The following MYO1A variants were observed in gnomAD, a reference collection of about 807,000 sequenced individuals.
The protein encoded by MYO1A is unconventional myosin-Ia.
MYO1A carries 127 observed loss-of-function variants against 138.5 expected under a neutral mutation model. The ratio of observed to expected loss-of-function variants is 0.92; its 90% CI spans 0.79 to 1.06. The LOEUF (loss-of-function observed/expected upper bound fraction) is 1.06. MYO1A is among the 50% of genes least tolerant of loss of function. The probability of loss-of-function intolerance (pLI) is 0.00; values close to 1 mark genes in which losing one functional copy is unlikely to be tolerated. For synonymous variants in MYO1A, 477 were observed against 497.5 expected, an observed-to-expected ratio of 0.96 and a Z score of 0.55; for missense variants, 1,211 against 1,288.8, an observed-to-expected ratio of 0.94 and a Z score of 0.92.
chr12:57,036,323 A>C lies in MYO1A; in HGVS notation c.2333T>G (p.Phe778Cys), dbSNP rs754563970. Residue 778 changes from phenylalanine to cysteine, a missense_variant, in exon 22 of 28, where the codon TTC becomes TGC. Coordinates refer to ENST00000300119, the MANE Select transcript of MYO1A (RefSeq NM_005379.4). ...ACCACTTACCATGCTCTTGTAGATG[A>C]AATCTGCCAAGGTGAGGGCAGCCTC... ...RSEAALTLAD[F>C]IYKSMVQKFL... The C allele has an allele frequency of 6.2e-7, 1 of 1,613,868 alleles. No homozygotes were observed. Among genetic ancestry groups the C allele is most frequent in the Non-Finnish European group, 8.5e-7 (1 of 1,179,770 alleles).
Position 57,031,112 on chromosome 12 carries a change from T to C in MYO1A, c.2412A>G (p.Thr804=), listed in dbSNP as rs2030260131. 1 of 1,614,096 alleles carries C rather than the reference T, an allele frequency of 6.2e-7. No individual in the cohort carries two copies. The highest frequency in any genetic ancestry group is 8.5e-7 in the Non-Finnish European group (1 of 1,180,038). ...GGCACTTGTAGGGGGCGGCTGGCCA[T>C]GTCTTGTCTAAGACGTTTGTGGATG... ...NLPSTNVLDK[T]WPAAPYKCLS... Residue 804 remains threonine, a synonymous_variant, in exon 23 of 28, where the codon ACA becomes ACG. Coordinates refer to ENST00000300119, the MANE Select transcript of MYO1A (RefSeq NM_005379.4).
Position 57,043,934 on chromosome 12 carries a change from G to T in MYO1A, c.814C>A (p.Leu272Ile), listed in dbSNP as rs780093175. ...GCCACCAACACGTTCCCCAGCTTTA[G>T]CACCATGGATGTCACCTCTAGCACT... ...RQVLEVTSMV[L>I]KLGNVLVADE... The change falls in exon 10 of 28, where the codon CTA (leucine) becomes ATA (isoleucine). Residue 272 changes from leucine (L) to isoleucine (I), a missense_variant. Physicochemically the swap from Leu to Ile is conservative, Grantham distance 5. Transcript: ENST00000300119. 5 of 1,614,132 alleles carry T rather than the reference G, an allele frequency of 3.1e-6. No homozygotes were observed. The highest frequency in any genetic ancestry group is 3.4e-6 in the Non-Finnish European group (4 of 1,180,008).
intron 8 of MYO1A, among the ~76,000 whole-genome samples, chr12:57,044,635 G>A (rs757280531): frequency 1.3e-5 from 2 of 152,076 alleles, no homozygotes; most frequent in Non-Finnish European, 2.9e-5. Context: ...CAATCCACCC[G>A]CCTCGGCCTC....
At chr12:57,031,278 C>G in intron 22 of MYO1A, 104 bp from the exon 23 acceptor site, 1 of 1,400,664 alleles carries the variant, frequency 7.1e-7, no homozygotes, top group Non-Finnish European at 1.0e-6. Context: ...AGTTAACCCA[C>G]AGTGAGAAGC....
At chr12:57,030,690 G>A (rs2136434217) in intron 23 of MYO1A, among the ~76,000 whole-genome samples, 1 of 152,312 alleles carries the variant, frequency 6.6e-6, no homozygotes, top group South Asian at 2.1e-4. Context: ...CTTATATGAG[G>A]CACTTGGAAA....
At position 57,048,018 on chromosome 12, in the gene MYO1A, G is replaced by A. The variant is rs1416971182; in HGVS notation, c.201C>T (p.Asp67=). ...GGGGCTTCAGCTCATAGAAAGTATA[G>A]TCTTGATATTTGGCAATGAACTCTG... ...YGPEFIAKYQ[D]YTFYELKPHI... Residue 67 remains aspartate (D), a synonymous_variant, in exon 3 of 28, where the codon GAC becomes GAT. Transcript: ENST00000300119. The A allele has an allele frequency of 2.3e-5, 37 of 1,614,034 alleles. No homozygotes were observed. Among genetic ancestry groups the A allele is most frequent in the Non-Finnish European group, 3.1e-5 (36 of 1,180,000 alleles).
intron 24 of MYO1A, 55 bp from the exon 25 acceptor site, chr12:57,029,927 C>A: frequency 1.9e-6 from 3 of 1,613,436 alleles, no homozygotes; most frequent in South Asian, 1.1e-5. Context: ...CTCTTCCCCA[C>A]CCCCAGAGTT....
intron 27 of MYO1A, 36 bp downstream of exon 27, chr12:57,029,096 C>T (rs375329193): frequency 1.2e-5 from 19 of 1,613,730 alleles, no homozygotes; most frequent in Middle Eastern, 1.6e-4. Context: ...GGCCATCTAC[C>T]GTAAGCCGCC....
intron 10 of MYO1A, 26 bp from the exon 11 acceptor site, chr12:57,043,384 G>A: frequency 6.2e-7 from 1 of 1,600,786 alleles, no homozygotes; most frequent in Non-Finnish European, 8.6e-7. Flanking sequence ...AGTACAGCAT[G>A]TCCTTAGAGG....
chr12:57,038,917 G>C lies in MYO1A; in HGVS notation c.1425C>G (p.Leu475=), dbSNP rs757525423. The change falls in exon 16 of 28, where the codon CTC becomes CTG. Residue 475 remains leucine, a synonymous_variant. Coordinates refer to ENST00000300119, the MANE Select transcript of MYO1A (RefSeq NM_005379.4). ...DSTFLAKLNQ[L]FSKHGHYESK... ...TCTCGTAGTGGCCATGCTTGGAGAA[G>C]AGCTGGTTCAGCTTTGCTAGGAAAG... is the stretch of plus-strand genomic sequence containing the variant. 5.0e-6 allele frequency: 8 copies of C among 1,614,214 alleles called. No homozygotes were observed. The highest frequency in any genetic ancestry group is 6.8e-6 in the Non-Finnish European group (8 of 1,180,040).
rs200633451 is a variant in MYO1A, at chr12:57,030,303, C to T, written c.2498G>A (p.Arg833Gln). The change falls in exon 24 of 28, where the codon CGG becomes CAG. Residue 833 changes from arginine (R) to glutamine (Q), a missense_variant. Arg to Gln is a conservative substitution (Grantham distance 43). Coordinates refer to ENST00000300119, the MANE Select transcript of MYO1A (RefSeq NM_005379.4). ...LFYQWKCKRF[R>Q]DQLSPKQVEI... Reference sequence around the variant, plus strand: ...TACCTGCTTCGGGGACAGCTGATCCCGGAACCTCTTGCACTGTGAGGAAGG... The same window carrying T: ...TACCTGCTTCGGGGACAGCTGATCCTGGAACCTCTTGCACTGTGAGGAAGG... 1.0e-4 allele frequency: 164 copies of T among 1,605,308 alleles called. No homozygotes were observed. Among genetic ancestry groups the T allele is most frequent in the East Asian group, 2.7e-4 (12 of 44,318 alleles).
chr12:57,039,993 T>C (rs574593195), intron 14 of MYO1A, among the ~76,000 whole-genome samples: 2 of 152,352 alleles, frequency 1.3e-5, no homozygotes, highest in East Asian at 3.9e-4. Flanking sequence ...ATAATCGTTC[T>C]CTACTTTGGG....
rs957110797 is a variant in MYO1A at position 57,038,413 on chromosome 12, T to C, written c.1759A>G (p.Arg587Gly). ...TTCCCCTGCATGCCAGCATGTCACC[T>C]GATGTAGTTGGGGCTCTTGGAATAC... Reference protein sequence around the residue: ...NLYSKSPNYIRCIKPNEHQQR... With the variant: ...NLYSKSPNYIGCIKPNEHQQR... Residue 587 changes from arginine to glycine, a missense_variant and splice_region_variant, in exon 17 of 28, where the codon AGG becomes GGG. By Grantham distance (125) the Arg-to-Gly change is moderately radical. Transcript: ENST00000300119. 2 of 1,614,144 alleles carry C rather than the reference T, an allele frequency of 1.2e-6. No homozygotes were observed. Among genetic ancestry groups the C allele is most frequent in the East Asian group, 4.5e-5 (2 of 44,878 alleles).
intron 22 of MYO1A, among the ~76,000 whole-genome samples, chr12:57,031,826 G>A (rs868813944): frequency 2.6e-5 from 4 of 152,296 alleles, no homozygotes; most frequent in Non-Finnish European, 2.9e-5. Context: ...TCCAATCAGC[G>A]GAGGTCAGTT....
intron 21 of MYO1A, 142 bp from the exon 22 acceptor site, chr12:57,036,523 G>T: frequency 9.9e-7 from 1 of 1,009,532 alleles, no homozygotes; most frequent in Non-Finnish European, 1.5e-6. Flanking sequence ...AATCAGACAA[G>T]TTGGCAGTGA....
rs992363345 is a variant in MYO1A, at chr12:57,048,446, C to T, written c.-20-103G>A. The T allele has an allele frequency of 1.3e-5, 10 of 758,512 alleles. No homozygotes were observed. The Admixed American group carries it at 2.0e-4, about 15-fold the overall frequency. The allele number at this position is 758,512 out of a possible 1,614,324, so 47.0% of individuals were successfully genotyped here. A position where few individuals can be genotyped will look rare whatever the true frequency, so the allele number is the denominator to read the frequency against. On this transcript the variant is annotated intron_variant, in intron 1 of 27. Coordinates refer to ENST00000300119, the MANE Select transcript of MYO1A (RefSeq NM_005379.4). ...AGGACCAAAAGAGCCTTCCTCTCTT[C>T]CTACCCTGGCCCTAAAGAGAGCCCC...
intron 16 of MYO1A, 25 bp from the exon 17 acceptor site, chr12:57,038,663 G>A (rs752870044): frequency 1.2e-6 from 2 of 1,612,730 alleles, no homozygotes; most frequent in Non-Finnish European, 1.7e-6. Flanking sequence ...CTATTGGTTT[G>A]GAGACCCCAC....
rs768192557 is a variant in MYO1A, at chr12:57,036,984, T to C, written c.2163A>G (p.Arg721=). The C allele has an allele frequency of 6.8e-6, 11 of 1,614,088 alleles. No individual in the cohort carries two copies. Among genetic ancestry groups the C allele is most frequent in the African/African-American group, 2.7e-5 (2 of 74,936 alleles). The part of the protein sequence containing the change: ...WRCRTHYQLM[R]KSQILISSWF... ...AAGAGGAGATGAGGATCTGACTCTT[T>C]CGCATCAGTTGGTAGTGGGTGCGGC... Residue 721 remains arginine, a synonymous_variant, in exon 20 of 28, where the codon CGA becomes CGG. Transcript: ENST00000300119.
intron 18 of MYO1A, 93 bp from the exon 19 acceptor site, chr12:57,037,734 G>T: frequency 2.0e-6 from 3 of 1,500,550 alleles, no homozygotes; most frequent in South Asian, 1.1e-5. Flanking sequence ...TCCAAGAAGT[G>T]ATCATTCAAT....
Sources: allele counts gnomAD v4.1 joint callset (sites outside exome capture counted in the v4.1 genomes callset), GRCh38; gene constraint gnomAD v4.1.1; transcripts MANE v1.5; gene names NCBI Gene and HGNC (gene_info 2026-07-23, HGNC 2026-07-21).